GADL1: variants seen among roughly 807,000 people sequenced by gnomAD.
The protein encoded by GADL1 is acidic amino acid decarboxylase GADL1.
In GADL1, 71 loss-of-function variants were observed where a neutral mutation model predicts 69.5. The observed-to-expected ratio is 1.02, with a 90% CI of 0.84 to 1.25. The LOEUF (loss-of-function observed/expected upper bound fraction) is 1.25. Among genes scored for constraint, GADL1 ranks in the 50% most tolerant of loss-of-function variants. The probability of loss-of-function intolerance (pLI) is 0.00; values close to 1 mark genes in which losing one functional copy is unlikely to be tolerated. For missense variants in GADL1, 737 were observed against 631.8 expected, an observed-to-expected ratio of 1.17 and a Z score of -1.79; for synonymous variants, 254 against 214.4, an observed-to-expected ratio of 1.18 and a Z score of -1.62.
rs1349671317 is a variant in GADL1, at chr3:30,767,933, C to CATATTT, written c.1392+10245_1392+10246insAAATAT. The stretch of plus-strand genomic sequence containing the variant: ...TTAAAATATGAAAAAAATGAATACA[C>CATATTT]TGACAATCAGTAAAGAGAAATTGTT... On this transcript the variant is annotated intron_variant, in intron 14 of 14. Coordinates refer to ENST00000282538, the MANE Select transcript of GADL1 (RefSeq NM_207359.3). 3.7e-4 allele frequency among the ~76,000 whole-genome samples: 56 copies of CATATTT among 152,034 alleles called. 1 individual carries two copies. Among genetic ancestry groups the CATATTT allele is most frequent in the Admixed American group, 7.9e-4 (12 of 15,274 alleles).
At chr3:30,819,826 T>G (rs961468480) in intron 11 of GADL1, among the ~76,000 whole-genome samples, 2 of 152,004 alleles carry the variant, frequency 1.3e-5, no homozygotes, top group African/African-American at 4.8e-5. Context: ...GCTAAGATCT[T>G]TGAAAATCTT....
In GADL1 at chr3:30,778,396, TTA is replaced by T. The variant is rs574193604; in HGVS notation, c.1303-130_1303-129del. ...TGTATAAAATTTTAACATCAGAATC[TTA>T]TAGAGTAACAATCCCTTCTGCCTTC... On this transcript the variant is annotated intron_variant, in intron 13 of 14. Coordinates refer to ENST00000282538, the MANE Select transcript of GADL1 (RefSeq NM_207359.3). 2.6e-4 allele frequency: 166 copies of T among 633,294 alleles called. 4 individuals are homozygous for T. Among genetic ancestry groups the T allele is most frequent in the African/African-American group, 1.2e-3 (67 of 54,306 alleles). 39.2% of individuals were successfully genotyped at this position (633,294 alleles called of 1,614,324 possible).
intron 14 of GADL1, among the ~76,000 whole-genome samples, chr3:30,741,573 C>G (rs1695626794): frequency 6.6e-6 from 1 of 152,044 alleles, no homozygotes; most frequent in Non-Finnish European, 1.5e-5. Flanking sequence ...GAGAACTCCC[C>G]TCTCAAAATG....
At chr3:30,769,759 G>A (rs1468862467) in intron 14 of GADL1, among the ~76,000 whole-genome samples, 1 of 152,100 alleles carries the variant, frequency 6.6e-6, no homozygotes, top group Non-Finnish European at 1.5e-5. Context: ...CCCACTACTT[G>A]ACAGATCTGA....
intron 11 of GADL1, among the ~76,000 whole-genome samples, chr3:30,829,924 CAG>C (rs747825985): frequency 2.6e-5 from 4 of 151,772 alleles, no homozygotes; most frequent in Admixed American, 6.6e-5. Flanking sequence ...AGGAGAGGAA[CAG>C]AGTCTGAGAA....
At position 30,844,255 on chromosome 3, in the gene GADL1, C is replaced by A; in HGVS notation, c.741G>T (p.Met247Ile). Residue 247 changes from methionine (M) to isoleucine (I), a missense_variant, in exon 8 of 15, where the codon ATG (methionine) becomes ATT (isoleucine). Met to Ile is a conservative substitution (Grantham distance 10). Transcript: ENST00000282538. ...CFVETDGRGK[M>I]IPEELEKQVW... is the part of the protein sequence containing the mutation. ...CTTGCTTCTCCAGTTCCTCAGGTAT[C>A]ATTTTACCTCTAAGGGACAAAGATT... The A allele has an allele frequency of 3.1e-6, 5 of 1,612,052 alleles. No individual in the cohort carries two copies. The highest frequency in any genetic ancestry group is 4.2e-6 in the Non-Finnish European group (5 of 1,179,090).
chr3:30,846,943 C>T (rs1337320984), intron 6 of GADL1, among the ~76,000 whole-genome samples: 1 of 152,180 alleles, frequency 6.6e-6, no homozygotes, highest in Non-Finnish European at 1.5e-5. Context: ...TGGCCTAAGC[C>T]CTGCTAGAGA....
At chr3:30,825,077 T>A (rs1037397974) in intron 11 of GADL1, among the ~76,000 whole-genome samples, 12 of 151,954 alleles carry the variant, frequency 7.9e-5, no homozygotes, top group African/African-American at 2.7e-4. Context: ...AGCATCATAA[T>A]GACCTAAAGG....
At position 30,812,195 on chromosome 3, in the gene GADL1, T is replaced by G. The variant is rs558685948; in HGVS notation, c.1051-11107A>C. On this transcript the variant is annotated intron_variant, in intron 11 of 14. Transcript: ENST00000282538. ...GTTACATGTGGTCCATGCTGAAGTC[T>G]TAATCAGTGGAAGGAAAAAAAGAAG... Among the ~76,000 whole-genome samples, 8 of 152,328 alleles carry G rather than the reference T, an allele frequency of 5.3e-5. No individual in the cohort carries two copies. In the South Asian group the frequency reaches 1.7e-3, roughly 32 times the overall value.
At chr3:30,861,921 C>T (rs150469428) in intron 1 of GADL1, among the ~76,000 whole-genome samples, 156 bp from the exon 2 acceptor site, 3 of 146,544 alleles carry the variant, frequency 2.0e-5, no homozygotes, top group Non-Finnish European at 4.5e-5. Context: ...TTTCTTATGA[C>T]ACACCATGGT....
At chr3:30,790,251 A>G (rs1288775700) in intron 12 of GADL1, among the ~76,000 whole-genome samples, 4 of 152,204 alleles carry the variant, frequency 2.6e-5, no homozygotes, top group Non-Finnish European at 5.9e-5. Flanking sequence ...CCAGTTGGAC[A>G]GCAGTCAGAA....
chr3:30,851,387 T>C (rs903721085), intron 4 of GADL1, among the ~76,000 whole-genome samples: 5 of 152,268 alleles, frequency 3.3e-5, no homozygotes, highest in African/African-American at 9.6e-5. Flanking sequence ...ATATTCTAAG[T>C]GGAGACTACT....
chr3:30,739,370 C>T (rs1032851215), intron 14 of GADL1, among the ~76,000 whole-genome samples: 1 of 152,116 alleles, frequency 6.6e-6, no homozygotes, highest in Non-Finnish European at 1.5e-5. Context: ...CCTGCCCCCA[C>T]CTGCCTGTGC....
At chr3:30,819,697 C>CA (rs1697536962) in intron 11 of GADL1, among the ~76,000 whole-genome samples, 1 of 151,210 alleles carries the variant, frequency 6.6e-6, no homozygotes, top group Non-Finnish European at 1.5e-5. Context: ...AAAATAAATG[C>CA]AAAAAGTGAT....
In GADL1 at chr3:30,776,794, C is replaced by G. The variant is rs142921987; in HGVS notation, c.1392+1385G>C. 4.2e-3 allele frequency among the ~76,000 whole-genome samples: 640 copies of G among 152,308 alleles called. 4 individuals are homozygous for G. Among genetic ancestry groups the G allele is most frequent in the African/African-American group, 0.015 (619 of 41,570 alleles). On this transcript the variant is annotated intron_variant, in intron 14 of 14. Coordinates refer to ENST00000282538, the MANE Select transcript of GADL1 (RefSeq NM_207359.3). ...CGTGGAAGGCAAGGCTCCCATGACC[C>G]TCCCTCTGCCTGTTACTCTTCTCAC...
At position 30,846,104 on chromosome 3, in the gene GADL1, A is replaced by G. The variant is rs1476742248; in HGVS notation, c.652-1638T>C. Among the ~76,000 whole-genome samples the G allele has an allele frequency of 2.0e-5, 3 of 151,982 alleles. No individual in the cohort carries two copies. The East Asian group carries it at 5.8e-4, about 29-fold the overall frequency. Reference sequence around the variant, plus strand: ...CAAAACTGAAGTTTAAACATCTGAAAGCTTCAGAGAAGGAAGAGCCCTGGA... The same window carrying G: ...CAAAACTGAAGTTTAAACATCTGAAGGCTTCAGAGAAGGAAGAGCCCTGGA... On this transcript the variant is annotated intron_variant, in intron 6 of 14. Coordinates refer to ENST00000282538, the MANE Select transcript of GADL1 (RefSeq NM_207359.3).
intron 14 of GADL1, among the ~76,000 whole-genome samples, chr3:30,761,621 T>C (rs567059048): frequency 6.6e-6 from 1 of 152,306 alleles, no homozygotes; most frequent in Admixed American, 6.5e-5. Context: ...AACCAAACTT[T>C]ATCCAATTGA....
At chr3:30,755,799 AAG>A (rs781006119) in intron 14 of GADL1, among the ~76,000 whole-genome samples, 1 of 147,996 alleles carries the variant, frequency 6.8e-6, no homozygotes, top group South Asian at 2.1e-4. Context: ...TGATTAGAAA[AAG>A]ATTTAAACAA....
chr3:30,854,713 T>A lies in GADL1; in HGVS notation c.414A>T (p.Ala138=), dbSNP rs754356719. Residue 138 remains alanine, a synonymous_variant, in exon 4 of 15, where the codon GCA becomes GCT. Coordinates refer to ENST00000282538, the MANE Select transcript of GADL1 (RefSeq NM_207359.3). ...ATGGCACTTACACACTTGGATTCAA[T>A]GCTTCGGTCATAAATCGGGCCACCA... ...YSLVARFMTE[A]LNPSVYTYEV... 9 of 1,547,612 alleles carry A rather than the reference T, an allele frequency of 5.8e-6. No individual in the cohort carries two copies. The Admixed American group carries it at 1.6e-4, about 27-fold the overall frequency.
Sources: gnomAD v4.1 joint callset for allele counts (sites outside exome capture counted in the v4.1 genomes callset) on GRCh38, gnomAD v4.1.1 for gene constraint, MANE v1.5 for transcripts, NCBI Gene and HGNC (gene_info 2026-07-23, HGNC 2026-07-21) for gene names.